The following TMEM164 variants were observed in gnomAD, a reference collection of about 807,000 sequenced individuals.
TMEM164 encodes the protein transmembrane protein 164.
A neutral mutation model predicts 18.8 loss-of-function variants in TMEM164; 4 were observed. That is an observed-to-expected ratio of 0.21 (90% CI 0.10 to 0.49). The LOEUF (loss-of-function observed/expected upper bound fraction) is 0.49, where lower values mean the gene tolerates loss of function less well. Among genes scored for constraint, TMEM164 ranks in the 20% least tolerant of loss-of-function variants. The pLI is 0.98. For missense variants in TMEM164, 108 were observed against 239.9 expected, an observed-to-expected ratio of 0.45 and a Z score of 3.63; for synonymous variants, 86 against 101.7, an observed-to-expected ratio of 0.85 and a Z score of 0.93.
chrX:110,096,804 C>A (rs1230305597), intron 3 of TMEM164, among the ~76,000 whole-genome samples: 3 of 111,615 alleles, frequency 2.7e-5, no homozygotes, highest in African/African-American at 9.8e-5. Context: ...TCCTATTCAG[C>A]CATCTTGGAC....
chrX:110,068,522 A>T (rs748225511), intron 3 of TMEM164, among the ~76,000 whole-genome samples: 3 of 112,373 alleles, frequency 2.7e-5, no homozygotes, highest in Non-Finnish European at 5.6e-5. Context: ...ACACATAAGG[A>T]AGAAACATCA....
At chrX:110,013,492 A>G (rs1254418073) in intron 2 of TMEM164, among the ~76,000 whole-genome samples, 2 of 112,130 alleles carry the variant, frequency 1.8e-5, no homozygotes, top group Non-Finnish European at 3.8e-5. Flanking sequence ...CATTAATCAG[A>G]TCTGAGTGGC....
intron 4 of TMEM164, among the ~76,000 whole-genome samples, chrX:110,141,495 A>C (rs1460462792): frequency 8.9e-6 from 1 of 111,943 alleles, no homozygotes; most frequent in Non-Finnish European, 1.9e-5. Context: ...GGTGGCAGGC[A>C]AGAGAGAATG....
At chrX:110,161,741 T>C (rs2067096466) in intron 5 of TMEM164, among the ~76,000 whole-genome samples, 1 of 112,161 alleles carries the variant, frequency 8.9e-6, no homozygotes, top group African/African-American at 3.2e-5. Flanking sequence ...TCAGTGTTTC[T>C]CCTATATGGT....
Position 110,177,282 on chromosome X carries a change from T to C in TMEM164, c.*3831T>C, listed in dbSNP as rs1602757678. 1 of 112,869 alleles carries C rather than the reference T, an allele frequency of 8.9e-6. No individual in the cohort carries two copies. The highest frequency in any genetic ancestry group is 2.8e-4 in the East Asian group (1 of 3,604). The allele number at this position is 112,869 out of a possible 1,213,427, so 9.3% of individuals were successfully genotyped here. ...AAGAATCTTTCATTTATATTGGTGT[T>C]ATTGTAGTGAAGAGAATGTGATAGG... On this transcript the variant is annotated 3_prime_UTR_variant, in exon 7 of 7. Transcript: ENST00000372068.
intron 2 of TMEM164, among the ~76,000 whole-genome samples, chrX:110,032,348 T>A (rs975222932): frequency 9.0e-6 from 1 of 111,655 alleles, no homozygotes; most frequent in African/African-American, 3.3e-5. Context: ...CCAGTGTGGC[T>A]TTGTGTGTTT....
chrX:110,063,380 G>A (rs2147841288), intron 2 of TMEM164, among the ~76,000 whole-genome samples: 1 of 111,835 alleles, frequency 8.9e-6, no homozygotes, highest in South Asian at 3.7e-4. Context: ...CACTGGGGTG[G>A]AGCAGAAGTG....
At chrX:110,039,864 C>T (rs994262327) in intron 2 of TMEM164, among the ~76,000 whole-genome samples, 4 of 111,164 alleles carry the variant, frequency 3.6e-5, no homozygotes, top group Admixed American at 9.5e-5. Flanking sequence ...TTTGTACTGC[C>T]GGGGCAAGGT....
chrX:110,098,599 A>T (rs1420055330), intron 3 of TMEM164, among the ~76,000 whole-genome samples: 2 of 111,532 alleles, frequency 1.8e-5, no homozygotes, highest in Non-Finnish European at 3.8e-5. Flanking sequence ...GTTTCTGCAC[A>T]TTGCTATTGT....
Position 110,067,344 on chromosome X carries a change from C to G in TMEM164, c.391-3C>G. ...ACCATTCTTAATTCTTCTTCAATTG[C>G]AGATCTTTCTCCTGGCCTGCCCTCC... On this transcript the variant is annotated splice_region_variant and splice_polypyrimidine_tract_variant and intron_variant, in intron 2 of 6. Transcript: ENST00000372068. The G allele has an allele frequency of 8.3e-7, 1 of 1,210,672 alleles. No individual in the cohort carries two copies. Among genetic ancestry groups the G allele is most frequent in the Non-Finnish European group, 1.1e-6 (1 of 894,490 alleles).
At chrX:110,140,333 G>C (rs1327945632) in intron 4 of TMEM164, among the ~76,000 whole-genome samples, 1 of 111,798 alleles carries the variant, frequency 8.9e-6, no homozygotes, top group Non-Finnish European at 1.9e-5. Context: ...CCTTGGCCCA[G>C]TTGTGTAAGG....
intron 5 of TMEM164, among the ~76,000 whole-genome samples, chrX:110,154,372 A>G (rs937994464): frequency 1.8e-5 from 2 of 111,572 alleles, no homozygotes; most frequent in African/African-American, 6.5e-5. Context: ...AGACTGCCCA[A>G]GGAGTGCATA....
In TMEM164 at chrX:110,003,698, C is replaced by A; in HGVS notation, c.-77C>A. The A allele has an allele frequency of 9.0e-7, 1 of 1,108,362 alleles. No homozygotes were observed. Among genetic ancestry groups the A allele is most frequent in the Non-Finnish European group, 1.2e-6 (1 of 836,534 alleles). 91.3% of individuals were successfully genotyped at this position (1,108,362 alleles called of 1,213,427 possible). A position where few individuals can be genotyped will look rare whatever the true frequency, so the allele number is the denominator to read the frequency against. The stretch of plus-strand genomic sequence containing the variant: ...GGTGTGCCCGCCTTACATGGTCCAC[C>A]ACCCGGGCAACCCTCTGGGCTTGTG... On this transcript the variant is annotated 5_prime_UTR_variant, in exon 2 of 7. Transcript: ENST00000372068.
chrX:110,053,851 C>T (rs1248809258), intron 2 of TMEM164, among the ~76,000 whole-genome samples: 1 of 112,009 alleles, frequency 8.9e-6, no homozygotes, highest in Non-Finnish European at 1.9e-5. Context: ...GGTCAAGCCC[C>T]TTCATGCTAA....
chrX:110,086,862 A>C lies in TMEM164; in HGVS notation c.440+19466A>C, dbSNP rs1204662303. ...GCTAGAAGGCAGTGGGAGACATTTG[A>C]GTATTTAAGAGGAATACCATAATGG... is the stretch of plus-strand genomic sequence containing the variant. On this transcript the variant is annotated intron_variant, in intron 3 of 6. Coordinates refer to ENST00000372068, the MANE Select transcript of TMEM164 (RefSeq NM_032227.4). Among the ~76,000 whole-genome samples, 14 of 110,739 alleles carry C rather than the reference A, an allele frequency of 1.3e-4. No individual in the cohort carries two copies. In the Admixed American group the frequency reaches 1.4e-3, roughly 11 times the overall value.
At chrX:110,172,312 G>A (rs183183794) in intron 6 of TMEM164, among the ~76,000 whole-genome samples, 33 of 112,070 alleles carry the variant, frequency 2.9e-4, no homozygotes, top group African/African-American at 8.4e-4. Flanking sequence ...TGCCGCGACC[G>A]TCCCCGGGGC....
At chrX:110,043,301 A>C (rs927957957) in intron 2 of TMEM164, among the ~76,000 whole-genome samples, 8 of 112,987 alleles carry the variant, frequency 7.1e-5, no homozygotes, top group Non-Finnish European at 1.3e-4. Flanking sequence ...CTTCAATAAA[A>C]GCAAGAATAA....
chrX:110,132,922 C>T (rs761946735), intron 4 of TMEM164, among the ~76,000 whole-genome samples: 5 of 111,723 alleles, frequency 4.5e-5, no homozygotes, highest in South Asian at 3.8e-4. Context: ...ATTGTTGGTC[C>T]GTGTATTGGT....
intron 5 of TMEM164, among the ~76,000 whole-genome samples, chrX:110,155,914 G>T (rs1426739813): frequency 9.0e-6 from 1 of 111,240 alleles, no homozygotes; most frequent in Non-Finnish European, 1.9e-5. Context: ...TATTTGTTTT[G>T]TTTTTTTAGA....
Sources: allele counts gnomAD v4.1 joint callset (sites outside exome capture counted in the v4.1 genomes callset), GRCh38; gene constraint gnomAD v4.1.1; transcripts MANE v1.5; gene names NCBI Gene and HGNC (gene_info 2026-07-23, HGNC 2026-07-21).